Variants in CACHD1 observed in about 807,000 individuals in gnomAD.
The protein encoded by CACHD1 is cache domain containing 1.
A neutral mutation model predicts 138.7 loss-of-function variants in CACHD1; 71 were observed. The observed-to-expected ratio is 0.51, with a 90% confidence interval of 0.42 to 0.62. The LOEUF is 0.62. CACHD1 is among the 20% of genes least tolerant of loss of function. The pLI is 0.00. For synonymous variants in CACHD1, 578 were observed against 591.5 expected (o/e 0.98, Z 0.33); for missense variants, 1,389 against 1,625.3 (o/e 0.85, Z 2.50).
intron 4 of CACHD1, among the ~76,000 whole-genome samples, chr1:64,604,845 G>T (rs530896810): frequency 2.0e-5 from 3 of 151,998 alleles, no homozygotes; most frequent in Admixed American, 6.6e-5. Flanking sequence ...TGGAGATGGG[G>T]TTTCACCATG....
At chr1:64,660,499 T>G (rs1649405525) in intron 13 of CACHD1, among the ~76,000 whole-genome samples, 1 of 152,106 alleles carries the variant, frequency 6.6e-6, no homozygotes, top group Non-Finnish European at 1.5e-5. Context: ...AAAAATTACT[T>G]TAATACTACT....
At chr1:64,630,854 C>T (rs527831804) in intron 5 of CACHD1, among the ~76,000 whole-genome samples, 5 of 151,402 alleles carry the variant, frequency 3.3e-5, no homozygotes, top group East Asian at 1.9e-4. Flanking sequence ...CAAGGCAATT[C>T]GGAAAGTTTT....
At chr1:64,484,170 A>G (rs1423399159) in intron 1 of CACHD1, among the ~76,000 whole-genome samples, 2 of 152,086 alleles carry the variant, frequency 1.3e-5, no homozygotes, top group African/African-American at 4.8e-5. Context: ...AGCGGGAGCG[A>G]CAACTCTAAA....
chr1:64,667,621 C>G (rs1029363731), intron 16 of CACHD1, among the ~76,000 whole-genome samples: 3 of 152,220 alleles, frequency 2.0e-5, no homozygotes, highest in African/African-American at 7.2e-5. Context: ...ACTTGTCATG[C>G]CTCCCATATA....
At chr1:64,538,587 A>G (rs528445166) in intron 1 of CACHD1, among the ~76,000 whole-genome samples, 1 of 152,346 alleles carries the variant, frequency 6.6e-6, no homozygotes, top group South Asian at 2.1e-4. Flanking sequence ...GGAGGAGGCT[A>G]AATGACTTCA....
At chr1:64,491,938 G>GT (rs1424685759) in intron 1 of CACHD1, among the ~76,000 whole-genome samples, 5 of 140,710 alleles carry the variant, frequency 3.6e-5, no homozygotes, top group African/African-American at 3.0e-5. Flanking sequence ...TTGTTTGTTT[G>GT]TTTTTTGTTT....
intron 24 of CACHD1, 107 bp downstream of exon 24, chr1:64,679,863 C>A: frequency 7.9e-7 from 1 of 1,270,228 alleles, no homozygotes; most frequent in South Asian, 1.5e-5. Context: ...ATACTTTCAG[C>A]TTCTGTGGAG....
chr1:64,660,137 A>C (rs1191409876), intron 13 of CACHD1, among the ~76,000 whole-genome samples: 1 of 152,214 alleles, frequency 6.6e-6, no homozygotes, highest in Non-Finnish European at 1.5e-5. Flanking sequence ...TATTTTTAAG[A>C]AATGCTTTAC....
intron 10 of CACHD1, 50 bp from the exon 11 acceptor site, chr1:64,653,708 C>A: frequency 1.3e-6 from 2 of 1,589,304 alleles, no homozygotes; most frequent in Non-Finnish European, 1.7e-6. Flanking sequence ...TGATTCAGAA[C>A]TTCCTACAAC....
chr1:64,595,191 T>C, intron 3 of CACHD1, among the ~76,000 whole-genome samples: 1 of 152,196 alleles, frequency 6.6e-6, no homozygotes, highest in East Asian at 1.9e-4. Context: ...CCACTCACAG[T>C]TGTCTGCTGT....
At position 64,486,350 on chromosome 1, in the gene CACHD1, G is replaced by A. The variant is rs971209300; in HGVS notation, c.198+15408G>A. 1.3e-3 allele frequency among the ~76,000 whole-genome samples: 156 copies of A among 123,344 alleles called. 1 individual carries two copies. The highest frequency in any genetic ancestry group is 8.7e-3 in the South Asian group (31 of 3,564). The allele number at this position is 123,344 out of a possible 152,430, so 80.9% of individuals were successfully genotyped here. ...TTATTGTCAAGTTTTGAGAGCGCGCGCACACACACACACACACATACACAC... is the reference window on the plus strand; with the variant it reads ...TTATTGTCAAGTTTTGAGAGCGCGCACACACACACACACACACATACACAC... On this transcript the variant is annotated intron_variant, in intron 1 of 26. Transcript: ENST00000651257.
In CACHD1 at chr1:64,560,725, T is replaced by C. The variant is rs1646832486; in HGVS notation, c.261+10069T>C. On this transcript the variant is annotated intron_variant, in intron 2 of 26. Coordinates refer to ENST00000651257, the MANE Select transcript of CACHD1 (RefSeq NM_020925.4). ...AAGGTGGTTGATAATGTTGTTCACA[T>C]CATTTGTGTATGGGCTGATTTTTAT... is the stretch of plus-strand genomic sequence containing the variant. 2.0e-5 allele frequency among the ~76,000 whole-genome samples: 3 copies of C among 152,254 alleles called. No homozygotes were observed. In the South Asian group the frequency reaches 6.2e-4, roughly 32 times the overall value.
intron 2 of CACHD1, among the ~76,000 whole-genome samples, chr1:64,563,465 C>T (rs1217016715): frequency 6.6e-6 from 1 of 152,162 alleles, no homozygotes; most frequent in Non-Finnish European, 1.5e-5. Flanking sequence ...AGATGTAGAC[C>T]TTGCATGAAA....
At chr1:64,506,351 T>C (rs1646376627) in intron 1 of CACHD1, 1 of 152,288 alleles carries the variant, frequency 6.6e-6, no homozygotes, top group Non-Finnish European at 1.5e-5. Flanking sequence ...AAGTGCTAAA[T>C]ACTCTTACCT....
At chr1:64,478,749 A>G (rs1646191424) in intron 1 of CACHD1, among the ~76,000 whole-genome samples, 1 of 152,178 alleles carries the variant, frequency 6.6e-6, no homozygotes, top group African/African-American at 2.4e-5. Context: ...AGGTCAGTTC[A>G]ACACAATGAA....
chr1:64,529,385 T>C (rs1249559841), intron 1 of CACHD1, among the ~76,000 whole-genome samples: 1 of 152,184 alleles, frequency 6.6e-6, no homozygotes, highest in Non-Finnish European at 1.5e-5. Flanking sequence ...CAAACCTCTT[T>C]GGCATGTTTA....
At chr1:64,619,493 G>C (rs10749748) in intron 4 of CACHD1, among the ~76,000 whole-genome samples, 147,992 of 152,270 alleles carry the variant, frequency 0.97, 72,077 homozygotes, top group East Asian at 1. Flanking sequence ...CTGTTTCCTT[G>C]CATTTTATGA....
chr1:64,564,262 TA>T (rs1200041821), intron 2 of CACHD1, among the ~76,000 whole-genome samples: 2 of 152,210 alleles, frequency 1.3e-5, no homozygotes, highest in African/African-American at 4.8e-5. Flanking sequence ...ATGCCCAGAC[TA>T]TCACCTCTTC....
rs564991505 is a variant in CACHD1 at position 64,477,090 on chromosome 1, T to C, written c.198+6148T>C. On this transcript the variant is annotated intron_variant, in intron 1 of 26. Coordinates refer to ENST00000651257, the MANE Select transcript of CACHD1 (RefSeq NM_020925.4). ...CATGTTATTAAATCACTCTGAACTT[T>C]AGTGTCTTTGTATTTCATGTAGCTA... Among the ~76,000 whole-genome samples, 155 of 152,334 alleles carry C rather than the reference T, an allele frequency of 1.0e-3. 1 individual carries two copies. Among genetic ancestry groups the C allele is most frequent in the African/African-American group, 3.7e-3 (152 of 41,580 alleles).
Sources: allele counts gnomAD v4.1 joint callset (sites outside exome capture counted in the v4.1 genomes callset), GRCh38; gene constraint gnomAD v4.1.1; transcripts MANE v1.5; gene names NCBI Gene and HGNC (gene_info 2026-07-23, HGNC 2026-07-21).